The following GRM5 variants were observed in gnomAD, a reference collection of about 807,000 sequenced individuals.
The protein encoded by GRM5 is glutamate metabotropic receptor 5.
Under a neutral mutation model 83.1 loss-of-function variants are expected in GRM5, and 19 were observed. The observed-to-expected ratio is 0.23, with a 90% CI of 0.16 to 0.34. GRM5 has a LOEUF of 0.34. Among genes scored for constraint, GRM5 ranks in the 10% least tolerant of loss-of-function variants. The pLI, the probability that GRM5 is intolerant of heterozygous loss-of-function variation, is 1.00. For missense variants in GRM5, 1,160 were observed against 1,588.3 expected, an observed-to-expected ratio of 0.73 and a Z score of 4.58; for synonymous variants, 675 against 633.6, an observed-to-expected ratio of 1.07 and a Z score of -0.98.
intron 3 of GRM5, among the ~76,000 whole-genome samples, chr11:88,746,903 A>G (rs1368587947): frequency 6.6e-6 from 1 of 152,184 alleles, no homozygotes; most frequent in African/African-American, 2.4e-5. Context: ...AATGAAGCAT[A>G]TCGTTTAGAC....
At chr11:88,941,143 C>T (rs1246936848) in intron 2 of GRM5, among the ~76,000 whole-genome samples, 2 of 151,624 alleles carry the variant, frequency 1.3e-5, no homozygotes, top group African/African-American at 4.8e-5. Flanking sequence ...CTGAAAATTG[C>T]TTATTTCATA....
chr11:88,562,874 G>C (rs1942789828), intron 8 of GRM5, among the ~76,000 whole-genome samples: 1 of 152,062 alleles, frequency 6.6e-6, no homozygotes, highest in African/African-American at 2.4e-5. Context: ...AATTCTTATG[G>C]GACTCTGAGA....
At chr11:88,939,967 G>C (rs904093532) in intron 2 of GRM5, among the ~76,000 whole-genome samples, 4 of 151,810 alleles carry the variant, frequency 2.6e-5, no homozygotes, top group Non-Finnish European at 4.4e-5. Flanking sequence ...AACATGAAGA[G>C]TGAAGAATTC....
intron 2 of GRM5, among the ~76,000 whole-genome samples, chr11:88,903,039 T>G (rs1479039224): frequency 6.6e-6 from 1 of 150,846 alleles, no homozygotes; most frequent in Non-Finnish European, 1.5e-5. Context: ...AGGGGAAATG[T>G]TACTTTAGAT....
chr11:88,732,870 A>G (rs1941835272), intron 3 of GRM5, among the ~76,000 whole-genome samples: 1 of 152,002 alleles, frequency 6.6e-6, no homozygotes, highest in South Asian at 2.1e-4. Flanking sequence ...TGTCTTGGCT[A>G]TAGTTTTCCA....
intron 2 of GRM5, among the ~76,000 whole-genome samples, chr11:89,010,985 T>C (rs2135089689): frequency 6.6e-6 from 1 of 152,344 alleles, no homozygotes; most frequent in South Asian, 2.1e-4. Flanking sequence ...TAAGAAAAGC[T>C]ATATTTAATT....
At chr11:88,618,157 A>C (rs1325524800) in intron 4 of GRM5, among the ~76,000 whole-genome samples, 3 of 152,236 alleles carry the variant, frequency 2.0e-5, no homozygotes, top group Non-Finnish European at 4.4e-5. Context: ...CAGCCTAAGA[A>C]GGTAAGTGGG....
intron 4 of GRM5, among the ~76,000 whole-genome samples, chr11:88,633,623 C>T (rs1023638930): frequency 2.0e-5 from 3 of 152,084 alleles, no homozygotes; most frequent in Admixed American, 1.3e-4. Context: ...CTTGGCCTCT[C>T]GAGTAGCTGG....
At chr11:88,733,969 C>G (rs1941859067) in intron 3 of GRM5, among the ~76,000 whole-genome samples, 1 of 151,878 alleles carries the variant, frequency 6.6e-6, no homozygotes, top group Non-Finnish European at 1.5e-5. Context: ...GCTTGCTTGG[C>G]ATTTCTAAGA....
chr11:88,766,621 A>G (rs553349025), intron 3 of GRM5, among the ~76,000 whole-genome samples: 65 of 152,174 alleles, frequency 4.3e-4, no homozygotes, highest in African/African-American at 1.5e-3. Flanking sequence ...AACCTAGGCA[A>G]TCGCATTCTG....
intron 2 of GRM5, among the ~76,000 whole-genome samples, chr11:89,028,273 T>A (rs1941179102): frequency 6.9e-6 from 1 of 144,316 alleles, no homozygotes; most frequent in Non-Finnish European, 1.5e-5. Flanking sequence ...TTATTACCTG[T>A]TTTTTTAACA....
chr11:88,508,759 C>T lies in GRM5; in HGVS notation c.3472G>A (p.Glu1158Lys). 6.5e-7 allele frequency: 1 copy of T among 1,537,370 alleles called. No homozygotes were observed. Among genetic ancestry groups the T allele is most frequent in the Non-Finnish European group, 8.7e-7 (1 of 1,146,404 alleles). ...PEAAAAKPDL[E>K]ELVALTPPSP... is the part of the protein sequence containing the mutation. ...GGCGGGGTGAGAGCCACCAGCTCCT[C>T]CAGGTCTGGCTTGGCGGCCGCAGCC... The change falls in exon 10 of 10, where the codon GAG (glutamate) becomes AAG (lysine). Residue 1158 changes from glutamate (E) to lysine (K), a missense_variant. This residue lies in a region of GRM5 where 562 missense variants were observed against 532.4 expected (regional missense o/e 1.06). Coordinates refer to ENST00000305447, the MANE Select transcript of GRM5 (RefSeq NM_001143831.3). The surrounding 1 kb of genome is among the most constrained non-coding windows in gnomAD (Gnocchi z 4.2).
chr11:88,636,503 G>A (rs897547472), intron 4 of GRM5, among the ~76,000 whole-genome samples: 3 of 151,664 alleles, frequency 2.0e-5, no homozygotes, highest in African/African-American at 4.8e-5. Context: ...TACAGCCTGG[G>A]TGACAGAGCG....
intron 3 of GRM5, among the ~76,000 whole-genome samples, chr11:88,687,299 C>T (rs1940651401): frequency 1.3e-5 from 2 of 148,528 alleles, no homozygotes; most frequent in Non-Finnish European, 3.0e-5. Context: ...ATGGTGAAAC[C>T]CTGTCTCTAC....
rs554776312 is a variant in GRM5 at position 88,867,852 on chromosome 11, G to A, written c.662-17697C>T. Reference sequence around the variant, plus strand: ...AAGGAAATACATTTCTGTTGTTTACGAACCACTGAGTCTATTGGTTTGTTG... The same window carrying A: ...AAGGAAATACATTTCTGTTGTTTACAAACCACTGAGTCTATTGGTTTGTTG... On this transcript the variant is annotated intron_variant, in intron 2 of 9. Transcript: ENST00000305447. Among the ~76,000 whole-genome samples, 16 of 151,908 alleles carry A rather than the reference G, an allele frequency of 1.1e-4. 1 individual carries two copies. The highest frequency in any genetic ancestry group is 6.2e-4 in the South Asian group (3 of 4,818).
At chr11:88,885,235 A>G (rs1466309813) in intron 2 of GRM5, among the ~76,000 whole-genome samples, 3 of 151,856 alleles carry the variant, frequency 2.0e-5, no homozygotes, top group East Asian at 1.9e-4. Flanking sequence ...CCACAACTCA[A>G]TGTGCAGAAA....
intron 1 of GRM5, among the ~76,000 whole-genome samples, chr11:89,060,221 T>C (rs960234442): frequency 3.9e-5 from 6 of 152,008 alleles, no homozygotes; most frequent in African/African-American, 1.2e-4. Context: ...CGTATGTATG[T>C]ATATATATTT....
intron 3 of GRM5, among the ~76,000 whole-genome samples, chr11:88,787,918 C>A (rs935587397): frequency 6.6e-6 from 1 of 152,088 alleles, no homozygotes. Flanking sequence ...GGAGATGTCA[C>A]GTAGGCAGGT....
intron 2 of GRM5, among the ~76,000 whole-genome samples, chr11:89,037,053 G>C (rs907056791): frequency 1.3e-5 from 2 of 151,934 alleles, no homozygotes; most frequent in African/African-American, 4.8e-5. Context: ...TAAACTTGTG[G>C]CTTATTACAC....
Sources: allele counts gnomAD v4.1 joint callset (sites outside exome capture counted in the v4.1 genomes callset), GRCh38; gene constraint gnomAD v4.1.1; regional missense constraint gnomAD v4.1.1; non-coding constraint Gnocchi (gnomAD v3.1); transcripts MANE v1.5; gene names NCBI Gene and HGNC (gene_info 2026-07-23, HGNC 2026-07-21).